LSAMP: variants seen among roughly 807,000 people sequenced by gnomAD.
LSAMP encodes the protein limbic system-associated membrane protein.
LSAMP carries 7 observed loss-of-function variants against 38.6 expected under a neutral mutation model. That is an observed-to-expected ratio of 0.18 (90% confidence interval 0.10 to 0.34). The LOEUF is 0.34. Among genes scored for constraint, LSAMP ranks in the 10% least tolerant of loss-of-function variants. LSAMP has a pLI of 1.00. For synonymous variants in LSAMP, 154 were observed against 166.8 expected, an observed-to-expected ratio of 0.92 and a Z score of 0.59; for missense variants, 313 against 420.0, an observed-to-expected ratio of 0.75 and a Z score of 2.23.
chr3:116,129,244 TTTCTA>T (rs1342971809), intron 1 of LSAMP, among the ~76,000 whole-genome samples: 1 of 152,134 alleles, frequency 6.6e-6, no homozygotes, highest in Non-Finnish European at 1.5e-5. Flanking sequence ...AATACTGAAC[TTTCTA>T]TTGCGTACAC....
At chr3:115,881,987 C>T (rs1455948737) in intron 3 of LSAMP, among the ~76,000 whole-genome samples, 2 of 152,056 alleles carry the variant, frequency 1.3e-5, no homozygotes, top group African/African-American at 4.8e-5. Context: ...GTTACAATTT[C>T]CCTGCTCCCA....
intron 2 of LSAMP, among the ~76,000 whole-genome samples, chr3:116,078,669 T>G (rs537334257): frequency 9.8e-5 from 15 of 152,320 alleles, no homozygotes; most frequent in African/African-American, 3.4e-4. Flanking sequence ...TATATCAGAA[T>G]TGTAATATAT....
intron 6 of LSAMP, chr3:115,834,489 T>C (rs1017639244): frequency 1.9e-6 from 2 of 1,057,426 alleles, no homozygotes; most frequent in Admixed American, 4.7e-5. Flanking sequence ...TTCCCCCCTT[T>C]GTGTGTTTTG....
chr3:116,079,609 G>A (rs935755256), intron 2 of LSAMP, among the ~76,000 whole-genome samples: 1 of 142,786 alleles, frequency 7.0e-6, no homozygotes, highest in Middle Eastern at 3.6e-3. Context: ...TCCAGCCTGG[G>A]CAGCAGAGTG....
intron 1 of LSAMP, among the ~76,000 whole-genome samples, chr3:116,102,814 G>A (rs1448373117): frequency 1.4e-5 from 2 of 138,936 alleles, no homozygotes; most frequent in African/African-American, 6.8e-5. Flanking sequence ...TATCTTCTAT[G>A]GGTTTTGTTT....
chr3:115,885,619 AC>A (rs1268428076), intron 3 of LSAMP, among the ~76,000 whole-genome samples: 3 of 101,180 alleles, frequency 3.0e-5, no homozygotes, highest in African/African-American at 7.9e-5. Context: ...AAGGTAAACA[AC>A]TTTTGTGTGT....
intron 1 of LSAMP, among the ~76,000 whole-genome samples, chr3:116,284,985 A>G (rs1043462840): frequency 2.0e-5 from 3 of 152,232 alleles, no homozygotes; most frequent in African/African-American, 2.4e-5. Context: ...GTGGTGAAGT[A>G]CCTTTGAGTA....
intron 3 of LSAMP, among the ~76,000 whole-genome samples, chr3:115,948,778 A>T (rs541689886): frequency 6.6e-6 from 1 of 152,332 alleles, no homozygotes; most frequent in Non-Finnish European, 1.5e-5. Context: ...AATAACAAAG[A>T]TCAGAGCAGA....
At chr3:116,174,947 C>T (rs1185109400) in intron 1 of LSAMP, among the ~76,000 whole-genome samples, 1 of 152,102 alleles carries the variant, frequency 6.6e-6, no homozygotes, top group Non-Finnish European at 1.5e-5. Context: ...TTGTGTCTCA[C>T]TTTTGTGCAC....
chr3:115,986,014 A>C (rs922811444), intron 3 of LSAMP, among the ~76,000 whole-genome samples: 18 of 152,308 alleles, frequency 1.2e-4, no homozygotes, highest in African/African-American at 4.3e-4. Context: ...CTTTTGGAAG[A>C]GATGATCAAA....
intron 1 of LSAMP, among the ~76,000 whole-genome samples, chr3:116,218,515 C>T (rs2046246758): frequency 6.6e-6 from 1 of 152,182 alleles, no homozygotes; most frequent in South Asian, 2.1e-4. Flanking sequence ...ATAGATTTGT[C>T]AAATTCACTT....
chr3:116,279,849 A>G (rs186020274), intron 1 of LSAMP, among the ~76,000 whole-genome samples: 3 of 152,324 alleles, frequency 2.0e-5, no homozygotes, highest in East Asian at 3.9e-4. Context: ...CATATGTCAT[A>G]TGATAGATTA....
chr3:116,345,820 G>T (rs1341312401), intron 1 of LSAMP, among the ~76,000 whole-genome samples: 3 of 152,018 alleles, frequency 2.0e-5, no homozygotes, highest in Non-Finnish European at 4.4e-5. Flanking sequence ...AGAAGCTCAG[G>T]CTCTTATGTG....
chr3:116,085,940 A>G (rs1250199468), intron 2 of LSAMP, among the ~76,000 whole-genome samples: 1 of 152,214 alleles, frequency 6.6e-6, no homozygotes, highest in Non-Finnish European at 1.5e-5. Context: ...AGATAAACCC[A>G]AACTTTCTTA....
intron 1 of LSAMP, among the ~76,000 whole-genome samples, chr3:116,116,726 G>GATA (rs144004075): frequency 1.5e-3 from 221 of 149,882 alleles, no homozygotes; most frequent in South Asian, 7.0e-3. Context: ...AAATAATAAT[G>GATA]ATAATAATAA....
chr3:116,224,282 A>T (rs2046318885), intron 1 of LSAMP, among the ~76,000 whole-genome samples: 1 of 152,236 alleles, frequency 6.6e-6, no homozygotes, highest in African/African-American at 2.4e-5. Flanking sequence ...CCTTCACCCA[A>T]GAATCCTCAA....
intron 1 of LSAMP, among the ~76,000 whole-genome samples, chr3:116,203,992 G>A (rs1351240090): frequency 6.6e-6 from 1 of 151,958 alleles, no homozygotes; most frequent in African/African-American, 2.4e-5. Context: ...TTCAACAATG[G>A]TTGAACTAGT....
chr3:116,235,906 G>A (rs1018175124), intron 1 of LSAMP, among the ~76,000 whole-genome samples: 3 of 152,102 alleles, frequency 2.0e-5, no homozygotes, highest in Non-Finnish European at 4.4e-5. Context: ...AATTTCTAGC[G>A]TTATGATCTC....
In LSAMP at chr3:116,335,000, AC is replaced by A. The variant is rs534715498; in HGVS notation, c.155+109876del. 1.1e-3 allele frequency among the ~76,000 whole-genome samples: 165 copies of A among 152,162 alleles called. 2 individuals carry two copies. The highest frequency in any genetic ancestry group is 3.9e-3 in the African/African-American group (163 of 41,542). ...GAAAATCTTAATAGTTCCACAAAAA[AC>A]CTGTGAGAATAAACACATTTAGCAA... On this transcript the variant is annotated intron_variant, in intron 1 of 6. Coordinates refer to ENST00000490035, the MANE Select transcript of LSAMP (RefSeq NM_002338.5).
Sources: allele counts gnomAD v4.1 joint callset (sites outside exome capture counted in the v4.1 genomes callset), GRCh38; gene constraint gnomAD v4.1.1; transcripts MANE v1.5; gene names NCBI Gene and HGNC (gene_info 2026-07-23, HGNC 2026-07-21).